MECOM: variants seen among roughly 807,000 people sequenced by gnomAD.
MECOM encodes histone-lysine N-methyltransferase MECOM.
A neutral mutation model predicts 116.3 loss-of-function variants in MECOM; 13 were observed. The observed-to-expected ratio is 0.11, with a 90% CI of 0.07 to 0.18. The LOEUF (loss-of-function observed/expected upper bound fraction) is 0.18, where lower values mean the gene tolerates loss of function less well. Among genes scored for constraint, MECOM ranks in the 10% least tolerant of loss-of-function variants. The pLI is 1.00. For missense variants in MECOM, 1,299 were observed against 1,509.0 expected (o/e 0.86, Z 2.31); for synonymous variants, 528 against 535.2 (o/e 0.99, Z 0.19).
At chr3:169,151,253 T>A (rs912262265) in intron 2 of MECOM, among the ~76,000 whole-genome samples, 1 of 152,196 alleles carries the variant, frequency 6.6e-6, no homozygotes, top group Non-Finnish European at 1.5e-5. Context: ...TTAATAGGCT[T>A]CCTGTGGACA....
chr3:169,239,003 G>T (rs1271407978), intron 2 of MECOM, among the ~76,000 whole-genome samples: 1 of 152,016 alleles, frequency 6.6e-6, no homozygotes, highest in Non-Finnish European at 1.5e-5. Context: ...GATAATAATA[G>T]ATTAACACTA....
intron 9 of MECOM, among the ~76,000 whole-genome samples, chr3:169,109,350 T>C (rs1053953418): frequency 2.6e-5 from 4 of 152,102 alleles, no homozygotes; most frequent in African/African-American, 9.7e-5. Flanking sequence ...TCTTCAAGAA[T>C]TGAACTAAGA....
At chr3:169,373,534 G>A (rs752009344) in intron 2 of MECOM, among the ~76,000 whole-genome samples, 4 of 151,724 alleles carry the variant, frequency 2.6e-5, no homozygotes, top group Admixed American at 6.6e-5. Context: ...ATTATATAAC[G>A]GCTAATGACG....
intron 1 of MECOM, among the ~76,000 whole-genome samples, chr3:169,441,147 G>C (rs1354367046): frequency 6.6e-6 from 1 of 152,166 alleles, no homozygotes; most frequent in Non-Finnish European, 1.5e-5. Flanking sequence ...GCTGGCTGAT[G>C]TGACAGCTCA....
At chr3:169,613,353 C>T (rs536834518) in intron 1 of MECOM, among the ~76,000 whole-genome samples, 6 of 152,124 alleles carry the variant, frequency 3.9e-5, no homozygotes, top group Non-Finnish European at 8.8e-5. Flanking sequence ...TTTTTAACAT[C>T]GGGGCGGAAA....
At chr3:169,519,188 GA>G (rs919994636) in intron 1 of MECOM, among the ~76,000 whole-genome samples, 1 of 152,130 alleles carries the variant, frequency 6.6e-6, no homozygotes, top group Non-Finnish European at 1.5e-5. Context: ...TGTCCAGTTT[GA>G]AAAACAACTG....
chr3:169,641,551 A>G (rs1415388020), intron 1 of MECOM, among the ~76,000 whole-genome samples: 1 of 152,224 alleles, frequency 6.6e-6, no homozygotes, highest in Non-Finnish European at 1.5e-5. Flanking sequence ...ACCTGCAAGT[A>G]TGGGGCATTA....
intron 2 of MECOM, among the ~76,000 whole-genome samples, chr3:169,356,963 AG>A: frequency 6.6e-6 from 1 of 152,044 alleles, no homozygotes; most frequent in East Asian, 1.9e-4. Context: ...GAACAAGAGT[AG>A]TGTCACATAA....
At chr3:169,217,363 T>A (rs942279442) in intron 2 of MECOM, among the ~76,000 whole-genome samples, 1 of 152,130 alleles carries the variant, frequency 6.6e-6, no homozygotes, top group Non-Finnish European at 1.5e-5. Flanking sequence ...TGTAATAAAC[T>A]AGAACATTGT....
intron 10 of MECOM, 123 bp downstream of exon 10, chr3:169,107,803 G>T: frequency 1.4e-6 from 1 of 731,886 alleles, no homozygotes; most frequent in Non-Finnish European, 2.2e-6. Context: ...CTATCTGCTG[G>T]AACCATATCA....
At chr3:169,192,536 T>C (rs1232390897) in intron 2 of MECOM, among the ~76,000 whole-genome samples, 3 of 152,052 alleles carry the variant, frequency 2.0e-5, no homozygotes, top group African/African-American at 4.8e-5. Context: ...TACTGAAGAA[T>C]ATGGACATTA....
intron 1 of MECOM, among the ~76,000 whole-genome samples, chr3:169,656,309 A>C (rs1390925644): frequency 6.6e-6 from 1 of 152,216 alleles, no homozygotes; most frequent in East Asian, 1.9e-4. Context: ...AACATAATAA[A>C]ATCTCTTTTC....
At chr3:169,352,874 G>T (rs1010526895) in intron 2 of MECOM, among the ~76,000 whole-genome samples, 5 of 151,874 alleles carry the variant, frequency 3.3e-5, no homozygotes, top group Non-Finnish European at 5.9e-5. Flanking sequence ...ACAATTTCTT[G>T]ATTAAAAATG....
At chr3:169,281,354 T>G (rs1711953455) in intron 2 of MECOM, among the ~76,000 whole-genome samples, 1 of 152,138 alleles carries the variant, frequency 6.6e-6, no homozygotes, top group South Asian at 2.1e-4. Context: ...CTCCACAAAA[T>G]TGGGAAACAT....
chr3:169,347,483 A>T lies in MECOM; in HGVS notation c.375+33704T>A, dbSNP rs1361214058. Among the ~76,000 whole-genome samples the T allele has an allele frequency of 2.6e-5, 4 of 152,004 alleles. 1 individual carries two copies. The highest frequency in any genetic ancestry group is 9.7e-5 in the African/African-American group (4 of 41,426). ...GATATTGTTGAAACTATAGAGAGAC[A>T]CGGAGTATTTACTAGGGGAAAAAAG... On this transcript the variant is annotated intron_variant, in intron 2 of 16. Transcript: ENST00000651503.
chr3:169,620,964 T>C (rs1770642644), intron 1 of MECOM, among the ~76,000 whole-genome samples: 1 of 152,210 alleles, frequency 6.6e-6, no homozygotes, highest in African/African-American at 2.4e-5. Context: ...AAAGTCTAGA[T>C]TCAAAGAGCT....
intron 1 of MECOM, among the ~76,000 whole-genome samples, chr3:169,619,212 A>C (rs1286546803): frequency 6.6e-6 from 1 of 152,210 alleles, no homozygotes; most frequent in Non-Finnish European, 1.5e-5. Context: ...CTCCGGGTGC[A>C]CCGGCCGCAG....
chr3:169,226,534 G>A (rs916866398), intron 2 of MECOM, among the ~76,000 whole-genome samples: 3 of 152,136 alleles, frequency 2.0e-5, no homozygotes, highest in Non-Finnish European at 2.9e-5. Context: ...TACTATGGGC[G>A]AAGGAAGTAC....
At chr3:169,287,341 C>T (rs1713536853) in intron 2 of MECOM, among the ~76,000 whole-genome samples, 1 of 151,830 alleles carries the variant, frequency 6.6e-6, no homozygotes, top group South Asian at 2.1e-4. Flanking sequence ...GGCAACAGCT[C>T]AGTAATAAGA....
Sources: allele counts gnomAD v4.1 joint callset (sites outside exome capture counted in the v4.1 genomes callset), GRCh38; gene constraint gnomAD v4.1.1; transcripts MANE v1.5; gene names NCBI Gene and HGNC (gene_info 2026-07-23, HGNC 2026-07-21).